The following PCED1B variants were observed in gnomAD, a reference collection of about 807,000 sequenced individuals.
PCED1B encodes the protein PC-esterase domain-containing protein 1B.
For missense variants in PCED1B, 573 were observed against 573.9 expected, an observed-to-expected ratio of 1.00 and a Z score of 0.02; for synonymous variants, 251 against 246.1, an observed-to-expected ratio of 1.02 and a Z score of -0.19.
chr12:47,085,002 G>C (rs982690360), intron 1 of PCED1B, among the ~76,000 whole-genome samples: 16 of 152,164 alleles, frequency 1.1e-4, no homozygotes, highest in African/African-American at 3.6e-4. Flanking sequence ...AAATTAGCCA[G>C]GCATGGCAGC....
At chr12:47,193,024 T>A (rs190707142) in intron 2 of PCED1B, among the ~76,000 whole-genome samples, 40 of 152,376 alleles carry the variant, frequency 2.6e-4, no homozygotes, top group African/African-American at 8.9e-4. Context: ...GAATGCTTTA[T>A]GCACACAGAT....
intron 3 of PCED1B, among the ~76,000 whole-genome samples, chr12:47,218,338 G>A (rs1439967269): frequency 3.3e-5 from 5 of 152,194 alleles, no homozygotes; most frequent in African/African-American, 9.7e-5. Flanking sequence ...CAAGATTCTT[G>A]TTCCTCAGCT....
At chr12:47,176,084 A>C (rs1221896258) in intron 2 of PCED1B, among the ~76,000 whole-genome samples, 1 of 151,952 alleles carries the variant, frequency 6.6e-6, no homozygotes, top group Non-Finnish European at 1.5e-5. Context: ...ATTATTGCTC[A>C]ATATTTTCCT....
intron 2 of PCED1B, among the ~76,000 whole-genome samples, chr12:47,126,680 A>G (rs1939900986): frequency 6.6e-6 from 1 of 152,158 alleles, no homozygotes; most frequent in Non-Finnish European, 1.5e-5. Flanking sequence ...TATTTAATTG[A>G]TATAGAATTA....
At chr12:47,133,249 C>G (rs1446933041) in intron 2 of PCED1B, among the ~76,000 whole-genome samples, 2 of 152,126 alleles carry the variant, frequency 1.3e-5, no homozygotes, top group Non-Finnish European at 2.9e-5. Context: ...AACACATTTT[C>G]CAAGTATTTC....
chr12:47,152,652 TG>T (rs1460473760), intron 2 of PCED1B, among the ~76,000 whole-genome samples: 1 of 152,196 alleles, frequency 6.6e-6, no homozygotes, highest in Non-Finnish European at 1.5e-5. Context: ...ACATTAGGGC[TG>T]GGCACGGTGG....
intron 1 of PCED1B, among the ~76,000 whole-genome samples, chr12:47,080,293 G>T (rs1024477197): frequency 1.3e-5 from 2 of 152,144 alleles, no homozygotes; most frequent in Admixed American, 1.3e-4. Context: ...CGAGGGAGGG[G>T]TCTCACCCTT....
At chr12:47,176,449 A>G (rs1941926351) in intron 2 of PCED1B, among the ~76,000 whole-genome samples, 1 of 152,146 alleles carries the variant, frequency 6.6e-6, no homozygotes. Context: ...CTTCAGACCC[A>G]TTCCCCATCC....
At chr12:47,098,065 G>A (rs1370029185) in intron 1 of PCED1B, among the ~76,000 whole-genome samples, 1 of 152,182 alleles carries the variant, frequency 6.6e-6, no homozygotes, top group African/African-American at 2.4e-5. Context: ...TAGTTGACAT[G>A]CTTTGGGGCA....
chr12:47,161,332 G>GT (rs1941370645), intron 2 of PCED1B, among the ~76,000 whole-genome samples: 1 of 152,144 alleles, frequency 6.6e-6, no homozygotes, highest in Non-Finnish European at 1.5e-5. Context: ...AAAAAATGGT[G>GT]TTTTCCCCAT....
chr12:47,183,889 C>T (rs536476637), intron 2 of PCED1B, among the ~76,000 whole-genome samples: 6 of 152,258 alleles, frequency 3.9e-5, no homozygotes, highest in African/African-American at 1.2e-4. Flanking sequence ...AGACAAGGGC[C>T]CCCGCACCAG....
chr12:47,202,594 T>TAAAAAAG (rs1942795001), intron 2 of PCED1B, among the ~76,000 whole-genome samples: 1 of 66,676 alleles, frequency 1.5e-5, no homozygotes, highest in Non-Finnish European at 2.9e-5. Flanking sequence ...TAGACATTAG[T>TAAAAAAG]AAAAAAAAAA....
At chr12:47,085,343 C>A (rs1207246741) in intron 1 of PCED1B, among the ~76,000 whole-genome samples, 1 of 152,340 alleles carries the variant, frequency 6.6e-6, no homozygotes, top group East Asian at 1.9e-4. Context: ...CTGCCCTGGG[C>A]AGACACAGAC....
In PCED1B at chr12:47,109,822, G is replaced by A. The variant is rs1004166402; in HGVS notation, c.-526+5627G>A. 2.5e-4 allele frequency among the ~76,000 whole-genome samples: 38 copies of A among 152,172 alleles called. 1 individual carries two copies. Among genetic ancestry groups the A allele is most frequent in the Non-Finnish European group, 4.3e-4 (29 of 68,034 alleles). On this transcript the variant is annotated intron_variant, in intron 2 of 3. Transcript: ENST00000546455. The stretch of plus-strand genomic sequence containing the variant: ...GTCAGTTAAATAAGAATCTCTGGGA[G>A]TAGGATCTATGCATCAGCACTTTTA...
rs781289022 is a variant in PCED1B, at chr12:47,235,825, G to T, written c.762G>T (p.Val254=). 6.3e-7 allele frequency: 1 copy of T among 1,575,538 alleles called. No individual in the cohort carries two copies. The highest frequency in any genetic ancestry group is 1.9e-5 in the Admixed American group (1 of 53,530). The change falls in exon 4 of 4, where the codon GTG becomes GTT. Residue 254 remains valine (V), a synonymous_variant. Transcript: ENST00000546455. ...LLAHVADAWG[V]ELPHRHPVGE... is the part of the protein sequence containing the mutation. ...CCCACGTGGCCGACGCCTGGGGTGT[G>T]GAGCTGCCCCACCGCCACCCCGTGG...
At chr12:47,148,210 C>T (rs993482807) in intron 2 of PCED1B, among the ~76,000 whole-genome samples, 1 of 152,176 alleles carries the variant, frequency 6.6e-6, no homozygotes, top group South Asian at 2.1e-4. Context: ...TGACATTAAC[C>T]TATTCATGAG....
At chr12:47,163,081 A>G (rs1941438947) in intron 2 of PCED1B, among the ~76,000 whole-genome samples, 1 of 152,118 alleles carries the variant, frequency 6.6e-6, no homozygotes, top group Non-Finnish European at 1.5e-5. Context: ...TCTTCTATTT[A>G]TTGATGTCTT....
rs1247895412 is a variant in PCED1B at position 47,235,405 on chromosome 12, C to T, written c.342C>T (p.His114=). The change falls in exon 4 of 4, where the codon CAC becomes CAT. Residue 114 remains histidine, a synonymous_variant. Coordinates refer to ENST00000546455, the MANE Select transcript of PCED1B (RefSeq NM_138371.3). ...TGAAAGAGCTGCAGTCGGGCGAGCACGCCCCCGACCTGGTCATCATGAATT... is the reference window on the plus strand; with the variant it reads ...TGAAAGAGCTGCAGTCGGGCGAGCATGCCCCCGACCTGGTCATCATGAATT... ...TILKELQSGE[H]APDLVIMNSC... is the part of the protein sequence containing the mutation. 6.2e-6 allele frequency: 10 copies of T among 1,614,044 alleles called. No homozygotes were observed. Among genetic ancestry groups the T allele is most frequent in the Admixed American group, 5.0e-5 (3 of 60,010 alleles).
At chr12:47,207,488 C>T (rs1942947410) in intron 2 of PCED1B, among the ~76,000 whole-genome samples, 1 of 152,212 alleles carries the variant, frequency 6.6e-6, no homozygotes, top group Non-Finnish European at 1.5e-5. Context: ...AGGAAGTGCT[C>T]TTTCTCTCCT....
Sources: gnomAD v4.1 joint callset for allele counts (sites outside exome capture counted in the v4.1 genomes callset) on GRCh38, gnomAD v4.1.1 for gene constraint, MANE v1.5 for transcripts, NCBI Gene and HGNC (gene_info 2026-07-23, HGNC 2026-07-21) for gene names.